Variants in MRRF observed in about 807,000 individuals in gnomAD.
The protein encoded by MRRF is mitochondrial ribosome recycling factor.
A neutral mutation model predicts 25.1 loss-of-function variants in MRRF; 18 were observed. That is an observed-to-expected ratio of 0.72 (90% confidence interval 0.50 to 1.06). The LOEUF (loss-of-function observed/expected upper bound fraction) is 1.06. Ranked by LOEUF, MRRF falls within the 50% of genes least tolerant of loss-of-function variation. The pLI is 0.00. For synonymous variants in MRRF, 113 were observed against 112.1 expected, an observed-to-expected ratio of 1.01 and a Z score of -0.05; for missense variants, 323 against 319.3, an observed-to-expected ratio of 1.01 and a Z score of -0.09.
intron 5 of MRRF, among the ~76,000 whole-genome samples, chr9:122,298,032 A>G (rs1405769319): frequency 1.3e-5 from 2 of 152,122 alleles, no homozygotes; most frequent in Non-Finnish European, 2.9e-5. Context: ...CCTATTTTTT[A>G]TACATGAGCA....
At chr9:122,316,278 C>A (rs756473713) in intron 6 of MRRF, among the ~76,000 whole-genome samples, 4 of 152,008 alleles carry the variant, frequency 2.6e-5, no homozygotes, top group Admixed American at 2.6e-4. Context: ...TGGGTTCAAG[C>A]GATTCTCCTG....
chr9:122,285,118 G>A (rs1204018716), intron 3 of MRRF, 51 bp from the exon 4 acceptor site: 1 of 1,129,520 alleles, frequency 8.9e-7, no homozygotes, highest in East Asian at 2.3e-5. Context: ...ACTTAGATTT[G>A]GGGCTACTAA....
chr9:122,317,579 A>G (rs1835615641), intron 6 of MRRF, among the ~76,000 whole-genome samples: 1 of 152,206 alleles, frequency 6.6e-6, no homozygotes, highest in African/African-American at 2.4e-5. Flanking sequence ...TTTTATAGAC[A>G]TGGTAAATTT....
intron 5 of MRRF, among the ~76,000 whole-genome samples, chr9:122,300,230 T>G (rs535544401): frequency 4.6e-4 from 70 of 152,172 alleles, no homozygotes; most frequent in Non-Finnish European, 4.4e-4. Context: ...GCACAGTGGA[T>G]GTGGCCTCAA....
Position 122,324,594 on chromosome 9 carries a change from A to G in MRRF, c.*1977A>G, listed in dbSNP as rs555136543. 6.6e-6 allele frequency: 1 copy of G among 152,196 alleles called. No individual in the cohort carries two copies. Among genetic ancestry groups the G allele is most frequent in the Non-Finnish European group, 1.5e-5 (1 of 68,026 alleles). 9.4% of individuals were successfully genotyped at this position (152,196 alleles called of 1,614,324 possible). A position where few individuals can be genotyped will look rare whatever the true frequency, so the allele number is the denominator to read the frequency against. The stretch of plus-strand genomic sequence containing the variant: ...ACTAAATTGCTGTCTATAATAATCT[A>G]TTGGGTGGAAAAGTAGGAAGTTCAT... On this transcript the variant is annotated 3_prime_UTR_variant, in exon 7 of 7. Coordinates refer to ENST00000344641, the MANE Select transcript of MRRF (RefSeq NM_138777.5).
intron 4 of MRRF, among the ~76,000 whole-genome samples, chr9:122,291,352 G>A (rs182404653): frequency 2.0e-5 from 3 of 152,310 alleles, no homozygotes; most frequent in South Asian, 2.1e-4. Flanking sequence ...TATATTTTGA[G>A]TGTAAAATGT....
chr9:122,311,705 G>A (rs559387059), intron 5 of MRRF, among the ~76,000 whole-genome samples: 1 of 152,040 alleles, frequency 6.6e-6, no homozygotes, highest in Non-Finnish European at 1.5e-5. Flanking sequence ...CTTTGATTAA[G>A]CATTTTCTAA....
At chr9:122,309,977 C>T (rs1162253672) in intron 5 of MRRF, among the ~76,000 whole-genome samples, 1 of 152,198 alleles carries the variant, frequency 6.6e-6, no homozygotes, top group Non-Finnish European at 1.5e-5. Context: ...GAAGATGCTT[C>T]AGGGCTTCCA....
rs532214013 is a variant in MRRF, at chr9:122,280,579, C to T, written c.321C>T (p.Leu107=). 2.5e-6 allele frequency: 4 copies of T among 1,613,852 alleles called. No homozygotes were observed. The South Asian group carries it at 4.4e-5, about 18-fold the overall frequency. Residue 107 remains leucine, a synonymous_variant, in exon 3 of 7, where the codon CTC becomes CTT. Coordinates refer to ENST00000344641, the MANE Select transcript of MRRF (RefSeq NM_138777.5). Reference sequence around the variant, plus strand: ...TCAAGGATAATTTCAATAAGACTCTCAATATAAGGACCTCACCAGGTTAGT... The same window carrying T: ...TCAAGGATAATTTCAATAAGACTCTTAATATAAGGACCTCACCAGGTTAGT... ...EALKDNFNKT[L]NIRTSPGSLD... is the part of the protein sequence containing the mutation.
At chr9:122,286,340 C>G (rs1049158141) in intron 4 of MRRF, among the ~76,000 whole-genome samples, 1 of 152,200 alleles carries the variant, frequency 6.6e-6, no homozygotes, top group Admixed American at 6.5e-5. Context: ...ATGGGCCAGG[C>G]ACACCTGTGG....
At chr9:122,280,301 T>C in intron 2 of MRRF, 142 bp from the exon 3 acceptor site, 1 of 878,810 alleles carries the variant, frequency 1.1e-6, no homozygotes, top group Non-Finnish European at 1.8e-6. Flanking sequence ...TAATATAGGC[T>C]CTTTTTTAGT....
intron 4 of MRRF, among the ~76,000 whole-genome samples, chr9:122,288,988 GGGAT>G (rs1833582712): frequency 6.6e-6 from 1 of 152,090 alleles, no homozygotes; most frequent in Non-Finnish European, 1.5e-5. Flanking sequence ...TTTCCGTGAA[GGGAT>G]GATGCATAAG....
At chr9:122,310,661 C>T (rs1037326551) in intron 5 of MRRF, among the ~76,000 whole-genome samples, 1 of 152,208 alleles carries the variant, frequency 6.6e-6, no homozygotes, top group Non-Finnish European at 1.5e-5. Flanking sequence ...AAAGGTGGGC[C>T]AGGTCTGCCT....
chr9:122,267,267 C>T (rs941440209), intron 1 of MRRF, among the ~76,000 whole-genome samples: 5 of 150,414 alleles, frequency 3.3e-5, no homozygotes, highest in African/African-American at 1.2e-4. Flanking sequence ...TGTAGTCCCA[C>T]CTACTCAGGA....
At chr9:122,273,517 A>G (rs1272884771) in intron 2 of MRRF, among the ~76,000 whole-genome samples, 2 of 150,616 alleles carry the variant, frequency 1.3e-5, no homozygotes, top group East Asian at 3.9e-4. Flanking sequence ...GGGGAATCCT[A>G]TCTTTTTTTT....
chr9:122,270,217 G>A (rs958018023), intron 1 of MRRF, among the ~76,000 whole-genome samples: 3 of 152,302 alleles, frequency 2.0e-5, no homozygotes, highest in Middle Eastern at 3.4e-3. Context: ...GTAGGCGATG[G>A]CATCTTTCCA....
chr9:122,313,480 C>T (rs955406742), intron 6 of MRRF, 94 bp downstream of exon 6: 21 of 1,340,310 alleles, frequency 1.6e-5, no homozygotes, highest in Non-Finnish European at 2.0e-5. Context: ...CAGAATACCT[C>T]TGATCTTTCA....
intron 5 of MRRF, among the ~76,000 whole-genome samples, chr9:122,293,155 T>C (rs1564492317): frequency 6.6e-6 from 1 of 152,002 alleles, no homozygotes; most frequent in East Asian, 1.9e-4. Context: ...TTATTATGGA[T>C]AGGGAGGGTC....
rs963692901 is a variant in MRRF at position 122,285,803 on chromosome 9, C to T, written c.459+516C>T. 6 of 1,281,346 alleles carry T rather than the reference C, an allele frequency of 4.7e-6. No individual in the cohort carries two copies. The Admixed American group carries it at 1.1e-4, about 24-fold the overall frequency. 79.4% of individuals were successfully genotyped at this position (1,281,346 alleles called of 1,614,324 possible). A position where few individuals can be genotyped will look rare whatever the true frequency, so the allele number is the denominator to read the frequency against. On this transcript the variant is annotated intron_variant, in intron 4 of 6. Transcript: ENST00000344641. ...AGACTATGAAGCAAATAAAACAATA[C>T]TTTAATGGGCCAAATGTGGCCTGAG...
Sources: gnomAD v4.1 joint callset for allele counts (sites outside exome capture counted in the v4.1 genomes callset) on GRCh38, gnomAD v4.1.1 for gene constraint, MANE v1.5 for transcripts, NCBI Gene and HGNC (gene_info 2026-07-23, HGNC 2026-07-21) for gene names.